EHBP1: variants seen among roughly 807,000 people sequenced by gnomAD.
EHBP1 encodes the protein EH domain-binding protein 1.
Under a neutral mutation model 144.0 loss-of-function variants are expected in EHBP1, and 55 were observed. The ratio of observed to expected loss-of-function variants is 0.38; its 90% CI spans 0.31 to 0.48. The LOEUF (loss-of-function observed/expected upper bound fraction) is 0.48, where lower values mean the gene tolerates loss of function less well. Ranked by LOEUF, EHBP1 falls within the 20% of genes least tolerant of loss-of-function variation. The pLI is 0.98. For missense variants in EHBP1, 1,200 were observed against 1,364.2 expected (o/e 0.88, Z 1.90); for synonymous variants, 469 against 472.7 (o/e 0.99, Z 0.10).
chr2:63,003,002 A>G lies in EHBP1; in HGVS notation c.3103+6236A>G, dbSNP rs541202932. 2.6e-5 allele frequency among the ~76,000 whole-genome samples: 4 copies of G among 152,166 alleles called. No homozygotes were observed. The South Asian group carries it at 6.2e-4, about 24-fold the overall frequency. ...ATCTCATTTTCTCATTTCTTATCCT[A>G]CAAGTTGCATTCTGAACTTTATTAT... is the stretch of plus-strand genomic sequence containing the variant. On this transcript the variant is annotated intron_variant, in intron 19 of 22. Coordinates refer to ENST00000431489, the MANE Select transcript of EHBP1 (RefSeq NM_001142616.3).
chr2:62,754,543 G>T (rs980319033), intron 3 of EHBP1, among the ~76,000 whole-genome samples: 1 of 152,220 alleles, frequency 6.6e-6, no homozygotes, highest in Non-Finnish European at 1.5e-5. Flanking sequence ...ATTTAAGTCT[G>T]CAGAGGTTTC....
intron 9 of EHBP1, among the ~76,000 whole-genome samples, chr2:62,871,484 G>A (rs17027446): frequency 0.062 from 9,483 of 152,190 alleles, 409 homozygotes; most frequent in East Asian, 0.13. Flanking sequence ...TAAAGATTGC[G>A]CATAAGCTAA....
Position 62,942,735 on chromosome 2 carries a change from T to C in EHBP1, c.1203T>C (p.Ser401=), listed in dbSNP as rs2056834152. ...STSPKPSPIP[S]PVLGRKPNAS... is the part of the protein sequence containing the mutation. Reference sequence around the variant, plus strand: ...TTTTCTAGCCAAGCCCTATACCAAGTCCTGTTTTGGGGCGAAAGCCAAATG... The same window carrying C: ...TTTTCTAGCCAAGCCCTATACCAAGCCCTGTTTTGGGGCGAAAGCCAAATG... Residue 401 remains serine (S), a synonymous_variant, in exon 11 of 23, where the codon AGT becomes AGC. Coordinates refer to ENST00000431489, the MANE Select transcript of EHBP1 (RefSeq NM_001142616.3). 1 of 1,607,008 alleles carries C rather than the reference T, an allele frequency of 6.2e-7. No individual in the cohort carries two copies.
intron 10 of EHBP1, among the ~76,000 whole-genome samples, chr2:62,905,290 C>T (rs2053707494): frequency 6.6e-6 from 1 of 152,120 alleles, no homozygotes; most frequent in African/African-American, 2.4e-5. Context: ...AAGAGGGACA[C>T]TTTATGCTCA....
In EHBP1 at chr2:62,759,188, A is replaced by C. The variant is rs937789657; in HGVS notation, c.163-5078A>C. On this transcript the variant is annotated intron_variant, in intron 3 of 22. Transcript: ENST00000431489. ...CTTGAAATGTGAGGAAAATTGTAGA[A>C]GGGGACCAGGATAATGTATCCTAAC... Among the ~76,000 whole-genome samples the C allele has an allele frequency of 3.0e-4, 46 of 152,212 alleles. 1 individual carries two copies. Among genetic ancestry groups the C allele is most frequent in the Non-Finnish European group, 7.3e-5 (5 of 68,040 alleles).
At chr2:62,844,326 G>A (rs976837796) in intron 7 of EHBP1, among the ~76,000 whole-genome samples, 1 of 152,106 alleles carries the variant, frequency 6.6e-6, no homozygotes, top group African/African-American at 2.4e-5. Flanking sequence ...ACATATCTGG[G>A]GACTAGCTCT....
intron 5 of EHBP1, among the ~76,000 whole-genome samples, chr2:62,782,467 A>G (rs1016634182): frequency 2.0e-5 from 3 of 152,128 alleles, no homozygotes; most frequent in African/African-American, 7.2e-5. Context: ...TTGTTCTCAC[A>G]CTGCTAATAA....
chr2:62,774,784 G>A (rs1217050547), intron 5 of EHBP1, among the ~76,000 whole-genome samples: 1 of 152,158 alleles, frequency 6.6e-6, no homozygotes. Context: ...GGTCAAGGCT[G>A]CAGTGAGCTG....
intron 19 of EHBP1, among the ~76,000 whole-genome samples, chr2:63,018,897 C>T (rs2060588764): frequency 6.6e-6 from 1 of 152,160 alleles, no homozygotes; most frequent in Non-Finnish European, 1.5e-5. Flanking sequence ...TGTTTTTCCT[C>T]AACAACTATC....
intron 19 of EHBP1, among the ~76,000 whole-genome samples, chr2:63,023,104 A>G (rs2060827129): frequency 6.6e-6 from 1 of 152,158 alleles, no homozygotes; most frequent in African/African-American, 2.4e-5. Context: ...AACCCTGGGC[A>G]GTGAAGGTTG....
At chr2:62,781,122 T>G (rs1474754682) in intron 5 of EHBP1, among the ~76,000 whole-genome samples, 1 of 151,942 alleles carries the variant, frequency 6.6e-6, no homozygotes, top group Non-Finnish European at 1.5e-5. Context: ...CAGTCTGGAG[T>G]GGGGAAACAG....
At chr2:62,938,678 CAGTT>C (rs1187803565) in intron 10 of EHBP1, among the ~76,000 whole-genome samples, 3 of 151,960 alleles carry the variant, frequency 2.0e-5, no homozygotes, top group African/African-American at 2.4e-5. Context: ...ATTACAAAGT[CAGTT>C]AGAGCTTCTT....
chr2:62,773,850 CAAAAAAAAAAAAAAAAAAAAAAAA>C (rs570715468), intron 5 of EHBP1, among the ~76,000 whole-genome samples: 2 of 41,552 alleles, frequency 4.8e-5, no homozygotes, highest in East Asian at 1.1e-3. Flanking sequence ...GACTCCATCT[CAAAAAAAAAAAAAAAAAAAAAAAA>C]AAAAAAAAAA....
chr2:62,830,941 T>C, intron 6 of EHBP1, 78 bp from the exon 7 acceptor site: 2 of 1,467,632 alleles, frequency 1.4e-6, no homozygotes, highest in Non-Finnish European at 1.9e-6. Flanking sequence ...AAGAAGGAAT[T>C]TATTGTTTTC....
At chr2:62,965,767 A>G (rs2058217590) in intron 14 of EHBP1, among the ~76,000 whole-genome samples, 3 of 152,232 alleles carry the variant, frequency 2.0e-5, no homozygotes, top group Admixed American at 2.0e-4. Flanking sequence ...CAGTTGTGCC[A>G]CAAGAGCTAA....
At chr2:63,030,572 C>A (rs1031182746) in intron 19 of EHBP1, among the ~76,000 whole-genome samples, 2 of 151,926 alleles carry the variant, frequency 1.3e-5, no homozygotes, top group African/African-American at 2.4e-5. Context: ...ACTGCAAGCT[C>A]CACCTCCCAG....
chr2:62,841,971 C>A (rs192159619), intron 7 of EHBP1, among the ~76,000 whole-genome samples: 2 of 152,032 alleles, frequency 1.3e-5, no homozygotes, highest in African/African-American at 2.4e-5. Context: ...TATGAAGGAG[C>A]CTGCATATTT....
rs141752897 is a variant in EHBP1 at position 62,710,640 on chromosome 2, C to T, written c.104+3345C>T. On this transcript the variant is annotated intron_variant, in intron 2 of 22. Transcript: ENST00000431489. ...TCTTCTTTTTGTTCATTATTTCACA[C>T]ATCTTTGCCAACCTTGTGACCCCAG... Among the ~76,000 whole-genome samples, 70 of 152,150 alleles carry T rather than the reference C, an allele frequency of 4.6e-4. 1 individual carries two copies. Among genetic ancestry groups the T allele is most frequent in the African/African-American group, 1.5e-3 (62 of 41,536 alleles).
intron 7 of EHBP1, among the ~76,000 whole-genome samples, chr2:62,849,778 G>A (rs1287390031): frequency 6.6e-6 from 1 of 152,106 alleles, no homozygotes; most frequent in Non-Finnish European, 1.5e-5. Flanking sequence ...AATACAAGAC[G>A]AACATGACAT....
Sources: allele counts gnomAD v4.1 joint callset (sites outside exome capture counted in the v4.1 genomes callset), GRCh38; gene constraint gnomAD v4.1.1; transcripts MANE v1.5; gene names NCBI Gene and HGNC (gene_info 2026-07-23, HGNC 2026-07-21).